The following ERC2 variants were observed in gnomAD, a reference collection of about 807,000 sequenced individuals.
ERC2 encodes the protein ELKS/RAB6-interacting/CAST family member 2.
ERC2 carries 42 observed loss-of-function variants against 114.8 expected under a neutral mutation model. The ratio of observed to expected loss-of-function variants is 0.37; its 90% CI spans 0.29 to 0.47. The LOEUF is 0.47. Ranked by LOEUF, ERC2 falls within the 20% of genes least tolerant of loss-of-function variation. The probability of loss-of-function intolerance (pLI) is 0.99; values close to 1 mark genes in which losing one functional copy is unlikely to be tolerated. For missense variants in ERC2, 939 were observed against 1,150.7 expected, an observed-to-expected ratio of 0.82 and a Z score of 2.66; for synonymous variants, 454 against 425.5, an observed-to-expected ratio of 1.07 and a Z score of -0.82.
chr3:56,372,075 A>C lies in ERC2; in HGVS notation c.657+62276T>G, dbSNP rs564772046. Reference sequence around the variant, plus strand: ...GAGAGGCATATGTTGCTTGATGGGAAAGAGAGTTGCCCCACAAGAAAATGA... The same window carrying C: ...GAGAGGCATATGTTGCTTGATGGGACAGAGAGTTGCCCCACAAGAAAATGA... On this transcript the variant is annotated intron_variant, in intron 2 of 17. Coordinates refer to ENST00000288221, the MANE Select transcript of ERC2 (RefSeq NM_015576.3). Among the ~76,000 whole-genome samples, 338 of 152,300 alleles carry C rather than the reference A, an allele frequency of 2.2e-3. 1 individual carries two copies. The highest frequency in any genetic ancestry group is 7.8e-3 in the African/African-American group (325 of 41,566).
At chr3:55,544,902 T>C (rs2054636582) in intron 17 of ERC2, among the ~76,000 whole-genome samples, 1 of 152,020 alleles carries the variant, frequency 6.6e-6, no homozygotes, top group Non-Finnish European at 1.5e-5. Flanking sequence ...TGCCAAAGGG[T>C]CCTGTGACCA....
intron 13 of ERC2, among the ~76,000 whole-genome samples, chr3:55,938,249 C>T (rs917579924): frequency 3.3e-5 from 5 of 150,610 alleles, no homozygotes; most frequent in African/African-American, 9.9e-5. Flanking sequence ...AGAGCTATGT[C>T]CTTATTTTTA....
chr3:55,733,538 TCTCTCACACACACACACACA>T (rs1346464056), intron 15 of ERC2, among the ~76,000 whole-genome samples: 1 of 74,168 alleles, frequency 1.3e-5, no homozygotes, highest in African/African-American at 4.4e-5. Flanking sequence ...TCTTTCTCTC[TCTCTCACACACACACACACA>T]CACACACACA....
At chr3:56,032,981 A>AAGAAAGAAAG (rs2074521550) in intron 7 of ERC2, among the ~76,000 whole-genome samples, 2 of 62,410 alleles carry the variant, frequency 3.2e-5, no homozygotes, top group Admixed American at 1.5e-4. Context: ...AAGAAAGAGA[A>AAGAAAGAAAG]AGAAAGAAAG....
chr3:55,531,240 C>G (rs1305268269), intron 17 of ERC2, among the ~76,000 whole-genome samples: 1 of 152,122 alleles, frequency 6.6e-6, no homozygotes, highest in Non-Finnish European at 1.5e-5. Flanking sequence ...CTTTAAGGAG[C>G]TGTAATTCTC....
intron 11 of ERC2, among the ~76,000 whole-genome samples, chr3:55,987,778 A>G (rs1387097234): frequency 6.6e-6 from 1 of 152,200 alleles, no homozygotes; most frequent in Non-Finnish European, 1.5e-5. Context: ...ATGATTTCTC[A>G]GTGTCCAAAT....
At chr3:56,368,138 T>C (rs988233443) in intron 2 of ERC2, among the ~76,000 whole-genome samples, 1 of 150,258 alleles carries the variant, frequency 6.7e-6, no homozygotes, top group African/African-American at 2.5e-5. Context: ...AACCTGCACA[T>C]GTACCCCTTG....
intron 14 of ERC2, among the ~76,000 whole-genome samples, chr3:55,877,932 C>A (rs1164190743): frequency 6.6e-6 from 1 of 152,128 alleles, no homozygotes; most frequent in African/African-American, 2.4e-5. Flanking sequence ...AGATCAGGTA[C>A]TGGTCAGAAT....
chr3:56,276,935 T>C (rs1450218644), intron 3 of ERC2, among the ~76,000 whole-genome samples: 1 of 152,230 alleles, frequency 6.6e-6, no homozygotes, highest in African/African-American at 2.4e-5. Flanking sequence ...ATGTGGCTTA[T>C]GGGTTGGACA....
At chr3:56,417,608 T>A (rs1310013547) in intron 2 of ERC2, among the ~76,000 whole-genome samples, 3 of 152,176 alleles carry the variant, frequency 2.0e-5, no homozygotes, top group African/African-American at 7.2e-5. Flanking sequence ...TAACTTAAAC[T>A]ATTACCACAT....
intron 3 of ERC2, among the ~76,000 whole-genome samples, chr3:56,218,918 T>G (rs2049699926): frequency 6.6e-6 from 1 of 151,964 alleles, no homozygotes; most frequent in African/African-American, 2.4e-5. Flanking sequence ...GTGTTCTCAC[T>G]CATAGGTGGG....
At chr3:55,865,010 C>T (rs2062234473) in intron 14 of ERC2, among the ~76,000 whole-genome samples, 1 of 152,120 alleles carries the variant, frequency 6.6e-6, no homozygotes, top group African/African-American at 2.4e-5. Context: ...TTGAACTATT[C>T]AATCTTTAAG....
At chr3:55,570,163 C>G (rs936223115) in intron 17 of ERC2, among the ~76,000 whole-genome samples, 1 of 151,988 alleles carries the variant, frequency 6.6e-6, no homozygotes, top group Non-Finnish European at 1.5e-5. Flanking sequence ...CCCGACCCCC[C>G]ATTTCTTATA....
intron 6 of ERC2, among the ~76,000 whole-genome samples, chr3:56,138,675 T>C (rs1422966066): frequency 6.6e-6 from 1 of 152,234 alleles, no homozygotes; most frequent in Non-Finnish European, 1.5e-5. Flanking sequence ...GCATGCATGT[T>C]GATTAGAATG....
chr3:55,525,003 G>T lies in ERC2; in HGVS notation c.*40-13727C>A, dbSNP rs563384702. Among the ~76,000 whole-genome samples, 187 of 152,284 alleles carry T rather than the reference G, an allele frequency of 1.2e-3. 1 individual carries two copies. Among genetic ancestry groups the T allele is most frequent in the Non-Finnish European group, 2.2e-3 (149 of 68,022 alleles). ...TCATCGTTAGTGCTGATGGCCCAAG[G>T]CTGGACATTCCTGATGACAAATCAA... On this transcript the variant is annotated intron_variant, in intron 17 of 17. Coordinates refer to ENST00000288221, the MANE Select transcript of ERC2 (RefSeq NM_015576.3).
At position 56,242,783 on chromosome 3, in the gene ERC2, GACC is replaced by G. The variant is rs561563877; in HGVS notation, c.1074+53233_1074+53235del. Among the ~76,000 whole-genome samples the G allele has an allele frequency of 4.7e-3, 718 of 152,204 alleles. 6 individuals carry two copies. Among genetic ancestry groups the G allele is most frequent in the African/African-American group, 0.017 (696 of 41,534 alleles). On this transcript the variant is annotated intron_variant, in intron 3 of 17. Transcript: ENST00000288221. Reference sequence around the variant, plus strand: ...TGCTGAGCTATGCAAGAAAATATAAGACCCTAGAGCACAGAGGCCATGTTGTAG... The same window carrying G: ...TGCTGAGCTATGCAAGAAAATATAAGCTAGAGCACAGAGGCCATGTTGTAG...
At chr3:55,693,059 G>A (rs1163605828) in intron 16 of ERC2, among the ~76,000 whole-genome samples, 2 of 152,158 alleles carry the variant, frequency 1.3e-5, no homozygotes, top group East Asian at 3.9e-4. Context: ...ACGCACTTTG[G>A]CTGAGAGCCA....
At chr3:55,706,344 AG>A (rs2063485256) in intron 15 of ERC2, among the ~76,000 whole-genome samples, 1 of 151,520 alleles carries the variant, frequency 6.6e-6, no homozygotes, top group Admixed American at 6.6e-5. Context: ...CTGCAGTAAA[AG>A]CTTGTCTTGG....
intron 17 of ERC2, among the ~76,000 whole-genome samples, chr3:55,512,172 G>A (rs913927298): frequency 2.0e-5 from 3 of 152,164 alleles, no homozygotes; most frequent in African/African-American, 4.8e-5. Flanking sequence ...GAGTCACGCC[G>A]ACTAACAAGA....
Sources: gnomAD v4.1 joint callset for allele counts (sites outside exome capture counted in the v4.1 genomes callset) on GRCh38, gnomAD v4.1.1 for gene constraint, MANE v1.5 for transcripts, NCBI Gene and HGNC (gene_info 2026-07-23, HGNC 2026-07-21) for gene names.